Variants in AGBL4 observed in about 807,000 individuals in gnomAD.
AGBL4 encodes AGBL carboxypeptidase 4.
In AGBL4, 58 loss-of-function variants were observed where a neutral mutation model predicts 66.4. The observed-to-expected ratio is 0.87, with a 90% CI of 0.71 to 1.09. The LOEUF (loss-of-function observed/expected upper bound fraction) is 1.09, where lower values mean the gene tolerates loss of function less well. AGBL4 is among the 50% of genes least tolerant of loss of function. AGBL4 has a pLI of 0.00. For missense variants in AGBL4, 579 were observed against 631.0 expected (o/e 0.92, Z 0.88); for synonymous variants, 234 against 222.9 (o/e 1.05, Z -0.44).
chr1:49,245,614 G>C (rs555844758), intron 4 of AGBL4, among the ~76,000 whole-genome samples, 156 bp downstream of exon 4: 195 of 151,812 alleles, frequency 1.3e-3, no homozygotes, highest in Non-Finnish European at 2.2e-3. Flanking sequence ...CTGATCCCCA[G>C]CTGTACAGCA....
At chr1:49,504,745 G>A (rs575726172) in intron 3 of AGBL4, among the ~76,000 whole-genome samples, 19 of 152,018 alleles carry the variant, frequency 1.2e-4, no homozygotes, top group African/African-American at 3.9e-4. Flanking sequence ...AATGTGAGGT[G>A]AATCTCTTAT....
At chr1:49,900,891 A>G (rs1488086900) in intron 1 of AGBL4, among the ~76,000 whole-genome samples, 1 of 152,238 alleles carries the variant, frequency 6.6e-6, no homozygotes, top group East Asian at 1.9e-4. Flanking sequence ...TGCATAGTAC[A>G]AACCTGAAGA....
intron 4 of AGBL4, among the ~76,000 whole-genome samples, chr1:49,242,985 G>A (rs1651353461): frequency 6.6e-6 from 1 of 151,008 alleles, no homozygotes; most frequent in African/African-American, 2.4e-5. Flanking sequence ...GTTTCATCTT[G>A]AAAAGGTGAA....
chr1:49,490,747 G>GA (rs1177077009), intron 3 of AGBL4, among the ~76,000 whole-genome samples: 3 of 151,566 alleles, frequency 2.0e-5, no homozygotes, highest in Admixed American at 6.6e-5. Context: ...TTTCTAAGAG[G>GA]AAAAAAATGG....
chr1:49,952,864 G>C (rs1270941526), intron 1 of AGBL4, among the ~76,000 whole-genome samples: 1 of 151,864 alleles, frequency 6.6e-6, no homozygotes, highest in Non-Finnish European at 1.5e-5. Flanking sequence ...GAAAGCTATA[G>C]CAACCAAAAC....
intron 5 of AGBL4, among the ~76,000 whole-genome samples, chr1:49,001,033 T>A (rs1158603719): frequency 6.6e-6 from 1 of 152,180 alleles, no homozygotes; most frequent in African/African-American, 2.4e-5. Context: ...TCATCTTTAA[T>A]GAGTCAGTTG....
intron 3 of AGBL4, among the ~76,000 whole-genome samples, chr1:49,495,486 A>G (rs1020525513): frequency 4.6e-5 from 7 of 151,960 alleles, no homozygotes; most frequent in Admixed American, 1.3e-4. Context: ...TAAAGCATGA[A>G]TGTTAGCACA....
At chr1:48,662,334 C>T (rs931198388) in intron 7 of AGBL4, among the ~76,000 whole-genome samples, 1 of 152,208 alleles carries the variant, frequency 6.6e-6, no homozygotes, top group Non-Finnish European at 1.5e-5. Context: ...TGAAGTCACA[C>T]TGCTGGAAAG....
chr1:49,358,252 A>G (rs1358410882), intron 3 of AGBL4, among the ~76,000 whole-genome samples: 2 of 152,182 alleles, frequency 1.3e-5, no homozygotes, highest in African/African-American at 4.8e-5. Flanking sequence ...ACCTCATACC[A>G]GACCCCAATT....
chr1:48,680,529 C>T (rs1289653343), intron 6 of AGBL4, among the ~76,000 whole-genome samples: 5 of 152,318 alleles, frequency 3.3e-5, no homozygotes, highest in South Asian at 4.2e-4. Flanking sequence ...CACTCCCCGA[C>T]CCTGTCCCAG....
chr1:48,899,949 T>C (rs1372027690), intron 5 of AGBL4, among the ~76,000 whole-genome samples: 3 of 152,184 alleles, frequency 2.0e-5, no homozygotes, highest in African/African-American at 7.2e-5. Context: ...TAGGAAATAT[T>C]TAACAGGAAT....
At chr1:49,018,284 C>A (rs887622417) in intron 5 of AGBL4, among the ~76,000 whole-genome samples, 2 of 152,038 alleles carry the variant, frequency 1.3e-5, no homozygotes, top group African/African-American at 4.8e-5. Flanking sequence ...GTGAGGTGAG[C>A]CCCCACATCC....
At chr1:49,932,728 A>G (rs541520511) in intron 1 of AGBL4, among the ~76,000 whole-genome samples, 48 of 152,270 alleles carry the variant, frequency 3.2e-4, no homozygotes, top group African/African-American at 1.1e-3. Flanking sequence ...CTAGACAGAA[A>G]CATTGATGAA....
intron 1 of AGBL4, among the ~76,000 whole-genome samples, chr1:49,936,058 A>G (rs1338935211): frequency 6.6e-6 from 1 of 152,188 alleles, no homozygotes; most frequent in African/African-American, 2.4e-5. Context: ...GAGGAAATTC[A>G]AACCAAAGGC....
chr1:49,837,275 A>C (rs961370888), intron 2 of AGBL4, among the ~76,000 whole-genome samples: 5 of 152,180 alleles, frequency 3.3e-5, no homozygotes, highest in Admixed American at 2.6e-4. Context: ...GATTCTAGAG[A>C]TGCAGTCTGG....
At chr1:49,615,825 T>C (rs1194140695) in intron 3 of AGBL4, among the ~76,000 whole-genome samples, 1 of 152,152 alleles carries the variant, frequency 6.6e-6, no homozygotes, top group African/African-American at 2.4e-5. Context: ...CAAAGCACTA[T>C]GGAGGATACA....
chr1:49,697,261 A>G (rs754722623), intron 3 of AGBL4, 52 bp downstream of exon 3: 1 of 1,488,782 alleles, frequency 6.7e-7, no homozygotes, highest in South Asian at 1.3e-5. Flanking sequence ...AGAAGACAAA[A>G]GCATATTATT....
intron 3 of AGBL4, among the ~76,000 whole-genome samples, chr1:49,502,333 TTAA>T (rs1570891230): frequency 6.6e-6 from 1 of 152,144 alleles, no homozygotes; most frequent in Non-Finnish European, 1.5e-5. Flanking sequence ...TCAGTACTCC[TTAA>T]TAAACTCCTC....
At chr1:49,469,019 T>C (rs945595418) in intron 3 of AGBL4, among the ~76,000 whole-genome samples, 2 of 151,806 alleles carry the variant, frequency 1.3e-5, no homozygotes, top group Non-Finnish European at 2.9e-5. Context: ...GTATTTCAGA[T>C]GAACACATTA....
Sources: gnomAD v4.1 joint callset for allele counts (sites outside exome capture counted in the v4.1 genomes callset) on GRCh38, gnomAD v4.1.1 for gene constraint, MANE v1.5 for transcripts, NCBI Gene and HGNC (gene_info 2026-07-23, HGNC 2026-07-21) for gene names.